NIT2: variants seen among roughly 807,000 people sequenced by gnomAD.
The protein encoded by NIT2 is nitrilase family member 2.
Under a neutral mutation model 42.7 loss-of-function variants are expected in NIT2, and 46 were observed. The ratio of observed to expected loss-of-function variants is 1.08; its 90% CI spans 0.85 to 1.38. The LOEUF is 1.38. Among genes scored for constraint, NIT2 ranks in the 40% most tolerant of loss-of-function variants. The pLI is 0.00. For missense variants in NIT2, 309 were observed against 342.5 expected, an observed-to-expected ratio of 0.90 and a Z score of 0.77; for synonymous variants, 123 against 121.9, an observed-to-expected ratio of 1.01 and a Z score of -0.06.
intron 7 of NIT2, among the ~76,000 whole-genome samples, chr3:100,351,857 CA>C (rs1706277279): frequency 6.6e-6 from 1 of 152,122 alleles, no homozygotes; most frequent in African/African-American, 2.4e-5. Context: ...GCAACCTACT[CA>C]TCTGACAAAG....
intron 8 of NIT2, among the ~76,000 whole-genome samples, chr3:100,353,364 G>T (rs1706292944): frequency 1.3e-5 from 2 of 152,206 alleles, no homozygotes; most frequent in Admixed American, 1.3e-4. Flanking sequence ...GTTCCTGAGG[G>T]TTCTGTCTTC....
chr3:100,344,884 G>A (rs887484483), intron 4 of NIT2, among the ~76,000 whole-genome samples: 3 of 151,616 alleles, frequency 2.0e-5, no homozygotes, highest in Admixed American at 1.3e-4. Context: ...GACCTCAGGT[G>A]ATTTTTAAAT....
chr3:100,348,191 G>A (rs1358482063), intron 6 of NIT2, among the ~76,000 whole-genome samples: 4 of 152,144 alleles, frequency 2.6e-5, no homozygotes, highest in African/African-American at 4.8e-5. Flanking sequence ...CGCACCCACC[G>A]CCTTTATGAG....
chr3:100,352,275 C>G, intron 7 of NIT2, 129 bp from the exon 8 acceptor site: 1 of 634,780 alleles, frequency 1.6e-6, no homozygotes, highest in Non-Finnish European at 2.8e-6. Context: ...TTCCATGGCT[C>G]TGGCTTCCTT....
intron 1 of NIT2, among the ~76,000 whole-genome samples, chr3:100,336,877 G>A (rs924874361): frequency 6.6e-6 from 1 of 152,128 alleles, no homozygotes; most frequent in African/African-American, 2.4e-5. Context: ...GACCCTTTAC[G>A]GGTGTCGGGC....
At chr3:100,342,174 A>G (rs931464114) in intron 4 of NIT2, among the ~76,000 whole-genome samples, 1 of 151,962 alleles carries the variant, frequency 6.6e-6, no homozygotes, top group Admixed American at 6.6e-5. Context: ...CTCTGCTATC[A>G]CTATAGCCAC....
chr3:100,353,436 C>G (rs1034491133), intron 8 of NIT2, among the ~76,000 whole-genome samples: 1 of 150,644 alleles, frequency 6.6e-6, no homozygotes, highest in Non-Finnish European at 1.5e-5. Flanking sequence ...GAAGATATGA[C>G]TAGTGTGAGA....
intron 6 of NIT2, among the ~76,000 whole-genome samples, chr3:100,348,300 C>T (rs1032145310): frequency 6.6e-6 from 1 of 152,244 alleles, no homozygotes; most frequent in South Asian, 2.1e-4. Context: ...TACGGGTGTT[C>T]CAGAAACTAT....
intron 2 of NIT2, 62 bp from the exon 3 acceptor site, chr3:100,339,753 A>C (rs1240138682): frequency 1.3e-6 from 2 of 1,545,090 alleles, no homozygotes; most frequent in East Asian, 4.5e-5. Flanking sequence ...GGCCTCTTAC[A>C]GCAGAACTTT....
At chr3:100,346,148 CTT>C in intron 5 of NIT2, 31 bp from the exon 6 acceptor site, 2 of 1,592,936 alleles carry the variant, frequency 1.3e-6, no homozygotes, top group Non-Finnish European at 1.7e-6. Context: ...AGGGAGTTAA[CTT>C]TTCATTTGTG....
At chr3:100,352,226 G>T (rs13082297) in intron 7 of NIT2, among the ~76,000 whole-genome samples, 178 bp from the exon 8 acceptor site, 2 of 152,128 alleles carry the variant, frequency 1.3e-5, no homozygotes, top group Non-Finnish European at 2.9e-5. Context: ...TCTAGAACTA[G>T]AAATACCATT....
intron 1 of NIT2, 51 bp downstream of exon 1, chr3:100,334,849 C>T (rs1401158733): frequency 7.7e-7 from 1 of 1,291,372 alleles, no homozygotes; most frequent in African/African-American, 1.5e-5. Flanking sequence ...GCGGGGGAGG[C>T]TTTGGAGCGG....
intron 1 of NIT2, among the ~76,000 whole-genome samples, chr3:100,336,409 A>G (rs940075534): frequency 6.6e-5 from 10 of 152,102 alleles, no homozygotes; most frequent in African/African-American, 2.4e-4. Context: ...AGACACAAAC[A>G]AAGTATAGAG....
intron 3 of NIT2, among the ~76,000 whole-genome samples, chr3:100,340,820 A>G (rs1314617474): frequency 6.6e-6 from 1 of 151,880 alleles, no homozygotes; most frequent in African/African-American, 2.4e-5. Context: ...TCCCATCTAC[A>G]CTCTGGAGTT....
At chr3:100,349,835 A>C (rs918640900) in intron 7 of NIT2, 6 of 152,244 alleles carry the variant, frequency 3.9e-5, no homozygotes, top group African/African-American at 1.4e-4. Context: ...GTGAAGGGCA[A>C]ATAGCATAGG....
intron 3 of NIT2, 126 bp downstream of exon 3, chr3:100,340,061 T>C (rs1254854568): frequency 1.4e-6 from 1 of 721,384 alleles, no homozygotes; most frequent in African/African-American, 1.9e-5. Context: ...AGCAGAGAGT[T>C]TCTTTTTCTT....
intron 1 of NIT2, among the ~76,000 whole-genome samples, chr3:100,338,125 C>A (rs1226670242): frequency 6.6e-6 from 1 of 152,114 alleles, no homozygotes; most frequent in African/African-American, 2.4e-5. Flanking sequence ...TAAAAGGGAA[C>A]TTTAAAGAAC....
intron 5 of NIT2, 54 bp from the exon 6 acceptor site, chr3:100,346,127 C>T: frequency 7.0e-7 from 1 of 1,424,072 alleles, no homozygotes; most frequent in Admixed American, 1.7e-5. Context: ...TCCCCTGCCA[C>T]ACCATGCTGT....
rs1706371441 is a variant in NIT2, at chr3:100,360,631, A to T, written c.*5363A>T. On this transcript the variant is annotated 3_prime_UTR_variant, in exon 10 of 10. Coordinates refer to ENST00000394140, the MANE Select transcript of NIT2 (RefSeq NM_020202.5). ...AAGGTCACCTGATGCTCAGGCCAGT[A>T]ATTTCTCCCTGCATCATGCTGTTGT... is the stretch of plus-strand genomic sequence containing the variant. 1 of 152,214 alleles carries T rather than the reference A, an allele frequency of 6.6e-6. No homozygotes were observed. The highest frequency in any genetic ancestry group is 1.9e-4 in the East Asian group (1 of 5,204). 9.4% of individuals were successfully genotyped at this position (152,214 alleles called of 1,614,324 possible).
Sources: allele counts gnomAD v4.1 joint callset (sites outside exome capture counted in the v4.1 genomes callset), GRCh38; gene constraint gnomAD v4.1.1; transcripts MANE v1.5; gene names NCBI Gene and HGNC (gene_info 2026-07-23, HGNC 2026-07-21).